Variants in HS6ST2 observed in about 807,000 individuals in gnomAD.
HS6ST2 encodes heparan sulfate 6-O-sulfotransferase 2.
In HS6ST2, 17 loss-of-function variants were observed where a neutral mutation model predicts 33.0. That is an observed-to-expected ratio of 0.52 (90% CI 0.35 to 0.77). The LOEUF is 0.77. HS6ST2 is among the 30% of genes least tolerant of loss of function. HS6ST2 has a pLI of 0.01. For synonymous variants in HS6ST2, 248 were observed against 237.1 expected (o/e 1.05, Z -0.42); for missense variants, 519 against 551.7 (o/e 0.94, Z 0.59).
intron 1 of HS6ST2, 96 bp from the exon 2 acceptor site, chrX:132,957,422 C>T: frequency 2.2e-6 from 2 of 913,284 alleles, no homozygotes; most frequent in Non-Finnish European, 3.0e-6. Context: ...CGCTGCTGCG[C>T]CCCTCTCCCC....
chrX:132,948,036 C>T (rs921066526), intron 2 of HS6ST2, among the ~76,000 whole-genome samples: 1 of 111,949 alleles, frequency 8.9e-6, no homozygotes, highest in African/African-American at 3.2e-5. Flanking sequence ...AATCAATACA[C>T]CGCACATTTC....
chrX:132,812,335 G>A (rs74767764), intron 2 of HS6ST2, among the ~76,000 whole-genome samples: 8 of 106,377 alleles, frequency 7.5e-5, no homozygotes, highest in Admixed American at 2.1e-4. Context: ...AACCCAGGAG[G>A]TGGAGGTTGC....
chrX:132,913,927 GA>G (rs1487834683), intron 2 of HS6ST2, among the ~76,000 whole-genome samples: 1 of 111,681 alleles, frequency 9.0e-6, no homozygotes, highest in Non-Finnish European at 1.9e-5. Context: ...AATCAAACAG[GA>G]TTATATATTG....
chrX:132,953,869 C>T (rs1025364851), intron 2 of HS6ST2, among the ~76,000 whole-genome samples: 1 of 112,247 alleles, frequency 8.9e-6, no homozygotes, highest in Non-Finnish European at 1.9e-5. Flanking sequence ...TTATTGTGTT[C>T]ATTCACTTTG....
chrX:132,932,771 G>C (rs2066786650), intron 2 of HS6ST2, among the ~76,000 whole-genome samples: 1 of 106,899 alleles, frequency 9.4e-6, no homozygotes, highest in South Asian at 4.1e-4. Flanking sequence ...TAATGACAAT[G>C]TCTCATTAAA....
intron 2 of HS6ST2, among the ~76,000 whole-genome samples, chrX:132,869,987 G>A (rs1011875400): frequency 9.0e-6 from 1 of 111,583 alleles, no homozygotes; most frequent in African/African-American, 3.3e-5. Context: ...GTCTCTGTTT[G>A]CAGATGACAT....
At chrX:132,704,292 C>T (rs1008307851) in intron 3 of HS6ST2, among the ~76,000 whole-genome samples, 4 of 112,419 alleles carry the variant, frequency 3.6e-5, no homozygotes, top group East Asian at 5.6e-4. Flanking sequence ...TGGTGGCTCA[C>T]GCCGGTAATC....
At chrX:132,931,745 A>G (rs1189883568) in intron 2 of HS6ST2, among the ~76,000 whole-genome samples, 3 of 111,863 alleles carry the variant, frequency 2.7e-5, no homozygotes, top group Admixed American at 9.5e-5. Context: ...TGAGAAAAAA[A>G]TGGAAATCTT....
chrX:132,725,199 A>G (rs1010474879), intron 2 of HS6ST2, among the ~76,000 whole-genome samples: 8 of 111,088 alleles, frequency 7.2e-5, no homozygotes, highest in Non-Finnish European at 1.5e-4. Context: ...TATAATAAAT[A>G]AAGTGAAGAG....
At chrX:132,679,754 G>T (rs112584583) in intron 3 of HS6ST2, among the ~76,000 whole-genome samples, 4,545 of 107,570 alleles carry the variant, frequency 0.042, 160 homozygotes, top group African/African-American at 0.12. Flanking sequence ...ACCACGCCTG[G>T]GGGGGGGCCA....
At chrX:132,837,428 G>A (rs2065655342) in intron 2 of HS6ST2, among the ~76,000 whole-genome samples, 1 of 111,144 alleles carries the variant, frequency 9.0e-6, no homozygotes, top group African/African-American at 3.3e-5. Context: ...AATCATAAAT[G>A]GCCTTGTGAC....
intron 2 of HS6ST2, among the ~76,000 whole-genome samples, chrX:132,728,947 T>G (rs977477779): frequency 2.7e-5 from 3 of 112,623 alleles, no homozygotes; most frequent in African/African-American, 9.7e-5. Context: ...AAATATTGAA[T>G]CCCCTCCACC....
At chrX:132,883,604 T>C (rs1356826245) in intron 2 of HS6ST2, among the ~76,000 whole-genome samples, 1 of 111,053 alleles carries the variant, frequency 9.0e-6, no homozygotes, top group Non-Finnish European at 1.9e-5. Flanking sequence ...CATCTTACAT[T>C]TCATAGGGCA....
chrX:132,861,267 T>C (rs1313911913), intron 2 of HS6ST2, among the ~76,000 whole-genome samples: 1 of 112,457 alleles, frequency 8.9e-6, no homozygotes, highest in Admixed American at 9.4e-5. Context: ...TTTAATGGCC[T>C]TCACCAATGA....
intron 2 of HS6ST2, among the ~76,000 whole-genome samples, chrX:132,881,865 C>T (rs1360708314): frequency 8.9e-6 from 1 of 111,875 alleles, no homozygotes; most frequent in Non-Finnish European, 1.9e-5. Context: ...TTCCCAACAG[C>T]ATTTATTAAA....
intron 2 of HS6ST2, among the ~76,000 whole-genome samples, chrX:132,761,983 T>C (rs773766175): frequency 1.1e-4 from 12 of 112,125 alleles, no homozygotes; most frequent in Non-Finnish European, 1.9e-4. Flanking sequence ...GGATAATGCA[T>C]GCAAATGGGA....
intron 4 of HS6ST2, among the ~76,000 whole-genome samples, chrX:132,635,339 T>C (rs1363952563): frequency 1.8e-5 from 2 of 111,403 alleles, no homozygotes; most frequent in Non-Finnish European, 3.8e-5. Context: ...TACTAAAACA[T>C]TGCAGTAGCA....
intron 2 of HS6ST2, among the ~76,000 whole-genome samples, chrX:132,884,301 G>A (rs758662596): frequency 8.9e-6 from 1 of 111,952 alleles, no homozygotes; most frequent in Non-Finnish European, 1.9e-5. Flanking sequence ...AGGAGGGAGA[G>A]AGATGAAGGA....
At chrX:132,889,696 C>T (rs1223544530) in intron 2 of HS6ST2, among the ~76,000 whole-genome samples, 1 of 110,773 alleles carries the variant, frequency 9.0e-6, no homozygotes, top group African/African-American at 3.3e-5. Flanking sequence ...GGTGGAGAAA[C>T]AGAGAGGCAA....
Sources: allele counts gnomAD v4.1 joint callset (sites outside exome capture counted in the v4.1 genomes callset), GRCh38; gene constraint gnomAD v4.1.1; transcripts MANE v1.5; gene names NCBI Gene and HGNC (gene_info 2026-07-23, HGNC 2026-07-21).